MARCHF3: variants seen among roughly 807,000 people sequenced by gnomAD.
The protein encoded by MARCHF3 is membrane associated ring-CH-type finger 3, also known as E3 ubiquitin-protein ligase MARCHF3.
In MARCHF3, 13 loss-of-function variants were observed where a neutral mutation model predicts 24.2. The ratio of observed to expected loss-of-function variants is 0.54; its 90% CI spans 0.35 to 0.85. The LOEUF is 0.85. Ranked by LOEUF, MARCHF3 falls within the 40% of genes least tolerant of loss-of-function variation. The pLI, the probability that MARCHF3 is intolerant of heterozygous loss-of-function variation, is 0.01. For synonymous variants in MARCHF3, 144 were observed against 137.3 expected (o/e 1.05, Z -0.34); for missense variants, 276 against 325.0 (o/e 0.85, Z 1.16).
At chr5:127,008,880 A>AATTT (rs11270456) in intron 1 of MARCHF3, among the ~76,000 whole-genome samples, 9,788 of 147,722 alleles carry the variant, frequency 0.066, 361 homozygotes, top group Non-Finnish European at 0.077. Flanking sequence ...CTCTTTAAAA[A>AATTT]ATTTATTTAT....
At chr5:126,990,701 G>GA (rs1416184481) in intron 1 of MARCHF3, among the ~76,000 whole-genome samples, 6 of 151,988 alleles carry the variant, frequency 3.9e-5, no homozygotes, top group Non-Finnish European at 8.8e-5. Flanking sequence ...AAATTTACAA[G>GA]AAAAAAACAA....
At chr5:127,007,879 T>A (rs990558919) in intron 1 of MARCHF3, among the ~76,000 whole-genome samples, 2 of 152,172 alleles carry the variant, frequency 1.3e-5, no homozygotes, top group African/African-American at 4.8e-5. Context: ...TTAATACATA[T>A]AAATATATGG....
chr5:126,883,155 A>G (rs1027263239), intron 3 of MARCHF3, among the ~76,000 whole-genome samples: 1 of 152,202 alleles, frequency 6.6e-6, no homozygotes, highest in Non-Finnish European at 1.5e-5. Context: ...CTCAAATGCC[A>G]TTCTTGAAGG....
In MARCHF3 at chr5:126,904,135, A is replaced by G. The variant is rs1215929609; in HGVS notation, c.393+10795T>C. On this transcript the variant is annotated intron_variant, in intron 3 of 4. Transcript: ENST00000308660. ...AATTTCATCCACGTCCCTACAAAGG[A>G]CATGAACTCATCATTTTTTATGGCT... 4.5e-3 allele frequency among the ~76,000 whole-genome samples: 664 copies of G among 149,026 alleles called. 4 individuals are homozygous for G. The highest frequency in any genetic ancestry group is 0.016 in the African/African-American group (626 of 39,316).
chr5:126,921,867 G>A (rs1212501647), intron 1 of MARCHF3, among the ~76,000 whole-genome samples: 3 of 152,300 alleles, frequency 2.0e-5, no homozygotes, highest in South Asian at 2.1e-4. Flanking sequence ...TGGGAGGAGC[G>A]GGAGTAGGTG....
chr5:126,915,276 G>T, intron 2 of MARCHF3, 142 bp from the exon 3 acceptor site: 1 of 746,056 alleles, frequency 1.3e-6, no homozygotes, highest in Non-Finnish European at 2.2e-6. Context: ...CCTTGGCAAT[G>T]GGGCAAATGA....
chr5:126,924,865 G>A (rs1749240093), intron 1 of MARCHF3, among the ~76,000 whole-genome samples: 2 of 152,186 alleles, frequency 1.3e-5, no homozygotes, highest in Admixed American at 6.5e-5. Flanking sequence ...AGCCGTGGCA[G>A]GGCTGTGCTT....
intron 1 of MARCHF3, among the ~76,000 whole-genome samples, chr5:126,983,965 G>A (rs764562525): frequency 9.2e-5 from 14 of 152,172 alleles, no homozygotes; most frequent in Non-Finnish European, 1.6e-4. Context: ...ACAACTAAGA[G>A]AGAGAAGTTA....
At chr5:126,957,358 A>G (rs1045644795) in intron 1 of MARCHF3, among the ~76,000 whole-genome samples, 2 of 152,216 alleles carry the variant, frequency 1.3e-5, no homozygotes, top group African/African-American at 4.8e-5. Context: ...GCTATTTGAC[A>G]CATAAGCTTT....
intron 4 of MARCHF3, among the ~76,000 whole-genome samples, chr5:126,874,573 C>G (rs925033620): frequency 1.4e-5 from 2 of 142,200 alleles, no homozygotes; most frequent in African/African-American, 5.3e-5. Context: ...GCAACAAGAG[C>G]GAAACTCCCT....
At chr5:126,971,464 A>AG (rs1751009106) in intron 1 of MARCHF3, among the ~76,000 whole-genome samples, 1 of 151,692 alleles carries the variant, frequency 6.6e-6, no homozygotes, top group Admixed American at 6.6e-5. Context: ...AAAAAAAAAA[A>AG]AAAGAAAAGA....
At chr5:126,985,047 T>G (rs1054426938) in intron 1 of MARCHF3, among the ~76,000 whole-genome samples, 4 of 152,028 alleles carry the variant, frequency 2.6e-5, no homozygotes, top group South Asian at 4.2e-4. Context: ...GTGAGGAAAC[T>G]CTCCCTACTC....
rs1752893137 is a variant in MARCHF3 at position 126,869,581 on chromosome 5, GCT to G, written c.*1050_*1051del. 3 of 20,920 alleles carry G rather than the reference GCT, an allele frequency of 1.4e-4. No homozygotes were observed. The highest frequency in any genetic ancestry group is 2.8e-4 in the African/African-American group (2 of 7,086). The allele number at this position is 20,920 out of a possible 1,614,324, so 1.3% of individuals were successfully genotyped here. ...AATAAGTGCAGGGCTGCTAGGACAG[GCT>G]TTTTTTTTTTTTTTTTTTTTTGCCA... On this transcript the variant is annotated 3_prime_UTR_variant, in exon 5 of 5. Coordinates refer to ENST00000308660, the MANE Select transcript of MARCHF3 (RefSeq NM_178450.5).
chr5:126,993,253 G>A (rs1490868882), intron 1 of MARCHF3, among the ~76,000 whole-genome samples: 1 of 152,182 alleles, frequency 6.6e-6, no homozygotes, highest in African/African-American at 2.4e-5. Context: ...GTTCCAAGGC[G>A]AGGTGTAGAG....
chr5:126,909,495 G>T (rs1169200463), intron 3 of MARCHF3, among the ~76,000 whole-genome samples: 1 of 152,242 alleles, frequency 6.6e-6, no homozygotes, highest in East Asian at 1.9e-4. Context: ...AGGACCCTCC[G>T]AGCCACGCAC....
At chr5:126,920,465 G>A (rs1343665347) in intron 1 of MARCHF3, among the ~76,000 whole-genome samples, 1 of 152,144 alleles carries the variant, frequency 6.6e-6, no homozygotes, top group Admixed American at 6.5e-5. Context: ...AAGAGCCAGG[G>A]GTGTATTGGC....
Position 126,890,427 on chromosome 5 carries a change from T to A in MARCHF3, c.394-12033A>T, listed in dbSNP as rs1480606774. On this transcript the variant is annotated intron_variant, in intron 3 of 4. Coordinates refer to ENST00000308660, the MANE Select transcript of MARCHF3 (RefSeq NM_178450.5). The stretch of plus-strand genomic sequence containing the variant: ...GCATTAGGTATATCTCCCAATGCTA[T>A]CCCTCCCCCCTCCCCCCACCCCACA... Among the ~76,000 whole-genome samples the A allele has an allele frequency of 2.7e-4, 31 of 115,862 alleles. 1 individual carries two copies. The highest frequency in any genetic ancestry group is 1.0e-3 in the African/African-American group (30 of 29,778). 76.0% of individuals were successfully genotyped at this position (115,862 alleles called of 152,430 possible). A position where few individuals can be genotyped will look rare whatever the true frequency, so the allele number is the denominator to read the frequency against.
At chr5:126,971,124 C>T (rs1187840905) in intron 1 of MARCHF3, among the ~76,000 whole-genome samples, 2 of 151,992 alleles carry the variant, frequency 1.3e-5, no homozygotes, top group South Asian at 2.1e-4. Context: ...CAACTAATTA[C>T]GTTTGGAGAG....
intron 3 of MARCHF3, 29 bp from the exon 4 acceptor site, chr5:126,878,423 C>G (rs761084377): frequency 6.3e-7 from 1 of 1,589,514 alleles, no homozygotes; most frequent in East Asian, 2.3e-5. Flanking sequence ...CAGAGAAGAG[C>G]AAGGGAGAGG....
Sources: allele counts gnomAD v4.1 joint callset (sites outside exome capture counted in the v4.1 genomes callset), GRCh38; gene constraint gnomAD v4.1.1; transcripts MANE v1.5; gene names NCBI Gene and HGNC (gene_info 2026-07-23, HGNC 2026-07-21).